Variants in PVT1 observed in about 807,000 individuals in gnomAD.
The protein encoded by PVT1 is CXCR4/PVT1 fusion.
In PVT1 at chr8:128,084,542, G is replaced by C. The variant is rs528217648; in HGVS notation, n.1115-11976G>C. ...ATTTGGTTATTTTTTGCATCCTCCAGCAAAATGTAAGCCAAGTGAAGAATG... is the reference window on the plus strand; with the variant it reads ...ATTTGGTTATTTTTTGCATCCTCCACCAAAATGTAAGCCAAGTGAAGAATG... On this transcript the variant is annotated intron_variant and non_coding_transcript_variant, in intron 5 of 10. Coordinates refer to ENST00000651587, the Ensembl canonical transcript of PVT1. 1.3e-4 allele frequency among the ~76,000 whole-genome samples: 20 copies of C among 152,134 alleles called. No individual in the cohort carries two copies. The South Asian group carries it at 4.1e-3, about 32-fold the overall frequency.
chr8:127,998,841 TTCCTTCCC>T (rs1250878437), intron 4 of PVT1, among the ~76,000 whole-genome samples: 1 of 144,164 alleles, frequency 6.9e-6, no homozygotes, highest in African/African-American at 2.7e-5. Flanking sequence ...CCTTCCTTCC[TTCCTTCCC>T]TCCCTCCCTC....
At chr8:127,923,573 A>G (rs894474036) in intron 3 of PVT1, among the ~76,000 whole-genome samples, 5 of 152,168 alleles carry the variant, frequency 3.3e-5, no homozygotes, top group Admixed American at 6.5e-5. Flanking sequence ...AGAGGGTTCA[A>G]TGCAGTGGGT....
At chr8:128,045,077 T>G (rs1189144887) in intron 4 of PVT1, among the ~76,000 whole-genome samples, 22 of 152,234 alleles carry the variant, frequency 1.4e-4, no homozygotes, top group Admixed American at 1.3e-3. Flanking sequence ...AGATTCAGGT[T>G]TAGGACAACG....
At chr8:127,872,634 A>C (rs944140279) in intron 2 of PVT1, among the ~76,000 whole-genome samples, 17 of 152,240 alleles carry the variant, frequency 1.1e-4, no homozygotes, top group Admixed American at 6.5e-5. Context: ...CAAACACTAC[A>C]GAAATGTTAA....
intron 4 of PVT1, among the ~76,000 whole-genome samples, chr8:128,014,126 G>A (rs1342150538): frequency 6.6e-6 from 1 of 152,208 alleles, no homozygotes; most frequent in Non-Finnish European, 1.5e-5. Flanking sequence ...CTCTCACGAA[G>A]CTCTGTTTCG....
intron 3 of PVT1, among the ~76,000 whole-genome samples, chr8:127,939,219 T>C (rs1042076235): frequency 6.6e-6 from 1 of 152,192 alleles, no homozygotes; most frequent in African/African-American, 2.4e-5. Flanking sequence ...AAGGGCTCCA[T>C]GTACAAAGGT....
intron 4 of PVT1, among the ~76,000 whole-genome samples, chr8:128,061,112 G>T (rs1016874624): frequency 1.3e-5 from 2 of 152,230 alleles, no homozygotes; most frequent in Non-Finnish European, 2.9e-5. Flanking sequence ...GTTTCGCCAT[G>T]TTGGCGAGGC....
At chr8:127,908,478 A>C (rs1200348302) in intron 3 of PVT1, among the ~76,000 whole-genome samples, 3 of 151,470 alleles carry the variant, frequency 2.0e-5, no homozygotes, top group Non-Finnish European at 4.4e-5. Flanking sequence ...AGTAGCTGGG[A>C]TTACAGGGTT....
At chr8:127,923,269 C>T (rs2129870329) in intron 3 of PVT1, among the ~76,000 whole-genome samples, 1 of 152,344 alleles carries the variant, frequency 6.6e-6, no homozygotes, top group East Asian at 1.9e-4. Context: ...TGCTCACAAG[C>T]AACTCTGCGA....
At chr8:127,976,035 G>A (rs991010985) in intron 3 of PVT1, among the ~76,000 whole-genome samples, 2 of 152,232 alleles carry the variant, frequency 1.3e-5, no homozygotes, top group Non-Finnish European at 2.9e-5. Context: ...GCAGGGAGAA[G>A]CCAGGATGGA....
At chr8:127,968,778 T>C (rs1816730645) in intron 3 of PVT1, among the ~76,000 whole-genome samples, 1 of 152,108 alleles carries the variant, frequency 6.6e-6, no homozygotes, top group Non-Finnish European at 1.5e-5. Context: ...CAATGAAGGA[T>C]GTTTTTCTAA....
intron 3 of PVT1, among the ~76,000 whole-genome samples, chr8:127,894,514 A>G (rs973661230): frequency 2.6e-5 from 4 of 152,168 alleles, no homozygotes; most frequent in Non-Finnish European, 2.9e-5. Flanking sequence ...CAGCCTTGAC[A>G]CCCCTACTCC....
chr8:127,903,851 G>A (rs1028962247), intron 3 of PVT1, among the ~76,000 whole-genome samples: 3 of 152,186 alleles, frequency 2.0e-5, no homozygotes, highest in Non-Finnish European at 4.4e-5. Flanking sequence ...TTTGAAGTCA[G>A]GTAATGTGAG....
intron 4 of PVT1, among the ~76,000 whole-genome samples, chr8:128,020,929 T>A (rs182035317): frequency 1.3e-5 from 2 of 152,310 alleles, no homozygotes. Context: ...TGCTCCTGAA[T>A]GAGCAGGTTC....
chr8:128,016,371 C>T (rs1189146773), intron 4 of PVT1, among the ~76,000 whole-genome samples: 1 of 152,084 alleles, frequency 6.6e-6, no homozygotes, highest in African/African-American at 2.4e-5. Context: ...TGTGAACCTA[C>T]CCTTGCATAA....
At chr8:127,882,868 C>A (rs1397432638) in intron 2 of PVT1, among the ~76,000 whole-genome samples, 2 of 152,178 alleles carry the variant, frequency 1.3e-5, no homozygotes, top group African/African-American at 2.4e-5. Flanking sequence ...CTCACTTCTG[C>A]TGCTACAACT....
chr8:128,022,538 G>T (rs1298616526), intron 4 of PVT1, among the ~76,000 whole-genome samples: 4 of 152,226 alleles, frequency 2.6e-5, no homozygotes, highest in Non-Finnish European at 5.9e-5. Flanking sequence ...ATGCACTGAA[G>T]AATTCCTGGC....
At chr8:127,867,363 G>A (rs1450377239) in intron 2 of PVT1, among the ~76,000 whole-genome samples, 4 of 152,220 alleles carry the variant, frequency 2.6e-5, no homozygotes, top group East Asian at 1.9e-4. Flanking sequence ...TTACTCCTCC[G>A]CAGTTAGAGG....
At chr8:127,892,935 G>A (rs1258793787) in intron 3 of PVT1, among the ~76,000 whole-genome samples, 1 of 152,164 alleles carries the variant, frequency 6.6e-6, no homozygotes, top group Admixed American at 6.5e-5. Context: ...CTATCGTGGT[G>A]GCAGCTGTGC....
Sources: allele counts gnomAD v4.1 joint callset (sites outside exome capture counted in the v4.1 genomes callset), GRCh38; gene constraint gnomAD v4.1.1; transcripts MANE v1.5; gene names NCBI Gene and HGNC (gene_info 2026-07-23, HGNC 2026-07-21).